The following SWAP70 variants were observed in gnomAD, a reference collection of about 807,000 sequenced individuals.
The protein encoded by SWAP70 is switch-associated protein 70.
SWAP70 carries 34 observed loss-of-function variants against 80.2 expected under a neutral mutation model. The ratio of observed to expected loss-of-function variants is 0.42; its 90% CI spans 0.32 to 0.56. The LOEUF (loss-of-function observed/expected upper bound fraction) is 0.56. SWAP70 is among the 20% of genes least tolerant of loss of function. SWAP70 has a pLI of 0.09. For missense variants in SWAP70, 578 were observed against 690.7 expected (o/e 0.84, Z 1.83); for synonymous variants, 239 against 238.5 (o/e 1.00, Z -0.02).
chr11:9,664,583 G>A (rs1385078512), intron 1 of SWAP70, among the ~76,000 whole-genome samples: 1 of 152,206 alleles, frequency 6.6e-6, no homozygotes, highest in Admixed American at 6.5e-5. Context: ...CCTTCTTGGC[G>A]TTGGAGAGCG....
chr11:9,703,656 T>A (rs567862631), intron 2 of SWAP70, among the ~76,000 whole-genome samples: 10 of 152,332 alleles, frequency 6.6e-5, no homozygotes, highest in African/African-American at 2.4e-4. Flanking sequence ...TATTGTTTGG[T>A]GTCTGATTCC....
At chr11:9,744,840 A>C in intron 9 of SWAP70, among the ~76,000 whole-genome samples, 1 of 152,224 alleles carries the variant, frequency 6.6e-6, no homozygotes, top group Non-Finnish European at 1.5e-5. Flanking sequence ...TAGAGGTTGC[A>C]GTGAGCTGAG....
At chr11:9,720,158 C>T (rs571966099) in intron 3 of SWAP70, 3 of 985,234 alleles carry the variant, frequency 3.0e-6, no homozygotes, top group South Asian at 9.4e-5. Context: ...GTTTGTCTCT[C>T]CTTGGCCCAA....
At chr11:9,743,720 G>A (rs1310029370) in intron 9 of SWAP70, among the ~76,000 whole-genome samples, 1 of 151,804 alleles carries the variant, frequency 6.6e-6, no homozygotes, top group African/African-American at 2.4e-5. Flanking sequence ...GTCTGTTCAT[G>A]TCCTTCGCCC....
chr11:9,698,964 A>G (rs1850796590), intron 2 of SWAP70, among the ~76,000 whole-genome samples: 1 of 152,164 alleles, frequency 6.6e-6, no homozygotes, highest in Non-Finnish European at 1.5e-5. Flanking sequence ...ATACATTGTT[A>G]TTAACTATAG....
chr11:9,710,617 G>A (rs1320487271), intron 2 of SWAP70, among the ~76,000 whole-genome samples: 1 of 150,714 alleles, frequency 6.6e-6, no homozygotes, highest in South Asian at 2.1e-4. Context: ...GCCCATGCCT[G>A]CCTCCTCCAG....
chr11:9,717,305 T>C (rs1433617518), intron 3 of SWAP70, among the ~76,000 whole-genome samples: 1 of 152,200 alleles, frequency 6.6e-6, no homozygotes, highest in Non-Finnish European at 1.5e-5. Context: ...TTTTAAAACC[T>C]AGCTGCTGCT....
At chr11:9,748,682 G>A in intron 10 of SWAP70, among the ~76,000 whole-genome samples, 1 of 138,382 alleles carries the variant, frequency 7.2e-6, no homozygotes, top group East Asian at 2.1e-4. Context: ...TACTGACAAA[G>A]CTTTATGCTG....
chr11:9,712,544 T>C (rs1851011131), intron 2 of SWAP70, among the ~76,000 whole-genome samples: 1 of 129,738 alleles, frequency 7.7e-6, no homozygotes, highest in African/African-American at 3.0e-5. Flanking sequence ...TTTTTTAAAT[T>C]AATTAAACAA....
At chr11:9,722,267 A>G (rs943445602) in intron 3 of SWAP70, among the ~76,000 whole-genome samples, 5 of 152,222 alleles carry the variant, frequency 3.3e-5, no homozygotes, top group African/African-American at 1.2e-4. Flanking sequence ...TTTAGCAAAC[A>G]TTAGTTGAGC....
chr11:9,702,269 A>G (rs1850842644), intron 2 of SWAP70, among the ~76,000 whole-genome samples: 1 of 152,194 alleles, frequency 6.6e-6, no homozygotes, highest in African/African-American at 2.4e-5. Context: ...ATGTGTGCCT[A>G]ACAACATCAT....
At chr11:9,737,145 G>A (rs747922599) in intron 7 of SWAP70, among the ~76,000 whole-genome samples, 11 of 152,208 alleles carry the variant, frequency 7.2e-5, no homozygotes, top group Non-Finnish European at 1.5e-4. Flanking sequence ...CTCTTGCCTG[G>A]AATAAAGTTT....
chr11:9,751,592 A>G lies in SWAP70; in HGVS notation c.*1622A>G, dbSNP rs1851590773. 6.6e-6 allele frequency: 1 copy of G among 152,180 alleles called. No homozygotes were observed. The highest frequency in any genetic ancestry group is 2.1e-4 in the South Asian group (1 of 4,836). 9.4% of individuals were successfully genotyped at this position (152,180 alleles called of 1,614,324 possible). On this transcript the variant is annotated 3_prime_UTR_variant, in exon 12 of 12. Transcript: ENST00000318950. ...AGAGAACCTCAGGTGTTCTTATGCT[A>G]GTGCTTGCTGAGTGCATACTAAGAA... is the stretch of plus-strand genomic sequence containing the variant.
intron 1 of SWAP70, among the ~76,000 whole-genome samples, chr11:9,687,568 G>A (rs1850647925): frequency 6.6e-6 from 1 of 152,164 alleles, no homozygotes; most frequent in Non-Finnish European, 1.5e-5. Flanking sequence ...CTGAAGAGGG[G>A]TAAGTTGGTA....
chr11:9,735,580 T>A (rs1434858658), intron 7 of SWAP70, among the ~76,000 whole-genome samples: 3 of 152,338 alleles, frequency 2.0e-5, no homozygotes, highest in African/African-American at 7.2e-5. Flanking sequence ...TCCGGGCTGA[T>A]GGACCAGCCG....
chr11:9,704,381 T>TAA (rs1318672105), intron 2 of SWAP70, among the ~76,000 whole-genome samples: 1 of 146,260 alleles, frequency 6.8e-6, no homozygotes, highest in African/African-American at 2.5e-5. Context: ...TTTTTTTTTT[T>TAA]AATTTTTATT....
intron 1 of SWAP70, among the ~76,000 whole-genome samples, chr11:9,672,428 G>A (rs1044970731): frequency 1.3e-5 from 2 of 150,710 alleles, no homozygotes; most frequent in Non-Finnish European, 2.9e-5. Context: ...GCAGTGGCAC[G>A]ATCATAGCTC....
intron 1 of SWAP70, among the ~76,000 whole-genome samples, chr11:9,667,361 C>T (rs1850321180): frequency 6.6e-6 from 1 of 152,014 alleles, no homozygotes; most frequent in African/African-American, 2.4e-5. Context: ...AGCGATCCTC[C>T]AGCCTCCACC....
chr11:9,675,601 G>T (rs1850487670), intron 1 of SWAP70, among the ~76,000 whole-genome samples: 2 of 151,696 alleles, frequency 1.3e-5, no homozygotes, highest in African/African-American at 4.8e-5. Flanking sequence ...CATAAATAAG[G>T]TCATTGCAGG....
Sources: gnomAD v4.1 joint callset for allele counts (sites outside exome capture counted in the v4.1 genomes callset) on GRCh38, gnomAD v4.1.1 for gene constraint, MANE v1.5 for transcripts, NCBI Gene and HGNC (gene_info 2026-07-23, HGNC 2026-07-21) for gene names.